CDK14: variants seen among roughly 807,000 people sequenced by gnomAD.
CDK14 encodes the protein cyclin dependent kinase 14, also known as cyclin-dependent kinase 14.
Under a neutral mutation model 60.7 loss-of-function variants are expected in CDK14, and 34 were observed. That is an observed-to-expected ratio of 0.56 (90% CI 0.43 to 0.75). The LOEUF (loss-of-function observed/expected upper bound fraction) is 0.75, where lower values mean the gene tolerates loss of function less well. Ranked by LOEUF, CDK14 falls within the 30% of genes least tolerant of loss-of-function variation. The pLI is 0.00. For missense variants in CDK14, 482 were observed against 564.1 expected (o/e 0.85, Z 1.47); for synonymous variants, 197 against 203.7 (o/e 0.97, Z 0.28).
intron 5 of CDK14, among the ~76,000 whole-genome samples, chr7:90,827,043 C>G (rs1789749822): frequency 1.3e-5 from 2 of 151,970 alleles, no homozygotes; most frequent in South Asian, 4.2e-4. Context: ...ATGCAGAATA[C>G]TTTCATTGCT....
At chr7:91,181,280 C>T (rs1801992537) in intron 14 of CDK14, among the ~76,000 whole-genome samples, 1 of 152,126 alleles carries the variant, frequency 6.6e-6, no homozygotes, top group Non-Finnish European at 1.5e-5. Flanking sequence ...AGCCAAATGA[C>T]TTGTCCTTTA....
intron 12 of CDK14, chr7:91,107,378 T>C (rs1269831230): frequency 6.6e-6 from 1 of 152,220 alleles, no homozygotes; most frequent in African/African-American, 2.4e-5. Context: ...AGTATGACCT[T>C]AAATGAATGT....
rs1793072995 is a variant in CDK14, at chr7:90,916,132, A to G, written c.703-1469A>G. Among the ~76,000 whole-genome samples the G allele has an allele frequency of 2.6e-5, 4 of 152,242 alleles. No individual in the cohort carries two copies. The South Asian group carries it at 8.3e-4, about 32-fold the overall frequency. On this transcript the variant is annotated intron_variant, in intron 7 of 14. Transcript: ENST00000380050. The stretch of plus-strand genomic sequence containing the variant: ...TTTTCCCTCTTTCCTTCTAAACTAA[A>G]GGAGTATGAATTTTCTTAGAAGTTG...
intron 5 of CDK14, among the ~76,000 whole-genome samples, chr7:90,815,998 T>C (rs1198122814): frequency 6.6e-6 from 1 of 152,102 alleles, no homozygotes; most frequent in East Asian, 1.9e-4. Flanking sequence ...GATGGGTTGA[T>C]AGGTGCAGCA....
chr7:90,732,213 T>A (rs1037740177), intron 3 of CDK14, among the ~76,000 whole-genome samples: 1 of 152,204 alleles, frequency 6.6e-6, no homozygotes, highest in African/African-American at 2.4e-5. Context: ...GTGGATAAGC[T>A]TTTTGATGGG....
At chr7:91,086,266 C>T (rs1798636053) in intron 12 of CDK14, among the ~76,000 whole-genome samples, 1 of 152,166 alleles carries the variant, frequency 6.6e-6, no homozygotes, top group Admixed American at 6.5e-5. Context: ...AATAAATCTG[C>T]AGGGGGAATA....
At chr7:90,860,084 A>C (rs2117209979) in intron 5 of CDK14, among the ~76,000 whole-genome samples, 1 of 152,180 alleles carries the variant, frequency 6.6e-6, no homozygotes, top group South Asian at 2.1e-4. Flanking sequence ...AATAATTTTG[A>C]TTATTTTTGT....
chr7:90,684,128 A>G (rs1390325724), intron 2 of CDK14, among the ~76,000 whole-genome samples: 2 of 152,236 alleles, frequency 1.3e-5, no homozygotes, highest in Non-Finnish European at 2.9e-5. Context: ...AATCTATATT[A>G]TATCTAAAGT....
At chr7:90,596,747 C>A (rs754929500) in intron 1 of CDK14, 29 bp downstream of exon 1, 14 of 1,571,574 alleles carry the variant, frequency 8.9e-6, no homozygotes, top group African/African-American at 1.4e-5. Flanking sequence ...CCGGCCCCCC[C>A]AGCGCCCGCT....
chr7:90,951,583 A>C (rs1468891360), intron 8 of CDK14, among the ~76,000 whole-genome samples: 1 of 152,164 alleles, frequency 6.6e-6, no homozygotes, highest in African/African-American at 2.4e-5. Context: ...TTCTCCATAG[A>C]GTTAAAGAGA....
At chr7:90,750,871 CAAAAAAAAAG>C (rs1803814157) in intron 4 of CDK14, among the ~76,000 whole-genome samples, 2 of 138,654 alleles carry the variant, frequency 1.4e-5, no homozygotes, top group African/African-American at 2.7e-5. Context: ...AGACTGTCTC[CAAAAAAAAAG>C]AAAAAAAAAG....
At chr7:91,177,675 C>CA (rs1325921238) in intron 14 of CDK14, among the ~76,000 whole-genome samples, 1 of 149,416 alleles carries the variant, frequency 6.7e-6, no homozygotes, top group Admixed American at 6.7e-5. Context: ...AACAGACAAA[C>CA]AGAGAGCCAA....
At chr7:91,122,701 CT>C (rs1244115939) in intron 14 of CDK14, among the ~76,000 whole-genome samples, 4 of 152,168 alleles carry the variant, frequency 2.6e-5, no homozygotes, top group African/African-American at 9.7e-5. Flanking sequence ...ATGGATTCTG[CT>C]TATTATCATT....
intron 10 of CDK14, among the ~76,000 whole-genome samples, chr7:91,028,562 C>A (rs775570402): frequency 3.9e-5 from 6 of 152,118 alleles, no homozygotes; most frequent in African/African-American, 7.2e-5. Flanking sequence ...TATAAGTGTT[C>A]CCTTTTCACC....
At chr7:90,765,737 A>C (rs2116874974) in intron 4 of CDK14, among the ~76,000 whole-genome samples, 1 of 152,240 alleles carries the variant, frequency 6.6e-6, no homozygotes, top group East Asian at 1.9e-4. Context: ...TGAGGCAGGG[A>C]AAGAAAAGAG....
chr7:90,840,323 T>A (rs1005098031), intron 5 of CDK14, among the ~76,000 whole-genome samples: 1 of 152,236 alleles, frequency 6.6e-6, no homozygotes, highest in African/African-American at 2.4e-5. Flanking sequence ...CAAGTCTTAC[T>A]TGTTATTTGA....
intron 2 of CDK14, among the ~76,000 whole-genome samples, chr7:90,640,788 C>T (rs1434372041): frequency 6.6e-6 from 1 of 151,876 alleles, no homozygotes; most frequent in Non-Finnish European, 1.5e-5. Context: ...TATCTTTTCA[C>T]TTTCTTAATA....
intron 2 of CDK14, among the ~76,000 whole-genome samples, chr7:90,688,250 T>C (rs1801480692): frequency 6.6e-6 from 1 of 152,128 alleles, no homozygotes; most frequent in Non-Finnish European, 1.5e-5. Flanking sequence ...CAATATCTGG[T>C]TTTGATGCCT....
chr7:90,932,219 C>A (rs1471344390), intron 8 of CDK14, among the ~76,000 whole-genome samples: 3 of 152,088 alleles, frequency 2.0e-5, no homozygotes, highest in Non-Finnish European at 4.4e-5. Context: ...AAACTGTGGT[C>A]TGCGGCTGGG....
Sources: allele counts gnomAD v4.1 joint callset (sites outside exome capture counted in the v4.1 genomes callset), GRCh38; gene constraint gnomAD v4.1.1; transcripts MANE v1.5; gene names NCBI Gene and HGNC (gene_info 2026-07-23, HGNC 2026-07-21).